RADIL: variants seen among roughly 807,000 people sequenced by gnomAD.
The protein encoded by RADIL is Rap associating with DIL domain.
Under a neutral mutation model 97.6 loss-of-function variants are expected in RADIL, and 99 were observed. That is an observed-to-expected ratio of 1.01 (90% CI 0.86 to 1.20). RADIL has a LOEUF of 1.20. Among genes scored for constraint, RADIL ranks in the 50% most tolerant of loss-of-function variants. The pLI is 0.00. For missense variants in RADIL, 1,765 were observed against 1,498.9 expected (o/e 1.18, Z -2.93); for synonymous variants, 803 against 691.8 (o/e 1.16, Z -2.52).
intron 4 of RADIL, among the ~76,000 whole-genome samples, chr7:4,832,942 C>G (rs1278421135): frequency 6.6e-6 from 1 of 152,054 alleles, no homozygotes; most frequent in Non-Finnish European, 1.5e-5. Context: ...TGGACAGCAC[C>G]CAGCGGAGGC....
chr7:4,818,721 G>T lies in RADIL; in HGVS notation c.1616-1370C>A, dbSNP rs1258023907. On this transcript the variant is annotated intron_variant, in intron 6 of 14. Coordinates refer to ENST00000399583, the MANE Select transcript of RADIL (RefSeq NM_018059.5). The surrounding 1 kb of genome is among the most constrained non-coding windows in gnomAD (Gnocchi z 7.1). The stretch of plus-strand genomic sequence containing the variant: ...AGCTCTGTCCCGTCCACCTGTCCTG[G>T]TGCCCTGACCCTGGCTGCCTCAGGC... Among the ~76,000 whole-genome samples the T allele has an allele frequency of 6.6e-6, 1 of 152,138 alleles. No individual in the cohort carries two copies. The highest frequency in any genetic ancestry group is 1.5e-5 in the Non-Finnish European group (1 of 68,024).
chr7:4,851,790 C>G (rs1305365391), intron 2 of RADIL, among the ~76,000 whole-genome samples: 1 of 152,140 alleles, frequency 6.6e-6, no homozygotes, highest in Admixed American at 6.5e-5. Context: ...TTTGAAAATG[C>G]GCAGCCTTCC....
At chr7:4,858,437 T>C (rs1006698816) in intron 2 of RADIL, 1 of 152,572 alleles carries the variant, frequency 6.6e-6, no homozygotes, top group Non-Finnish European at 1.5e-5. Context: ...ACTTAAAGTA[T>C]TGCTGATCTT....
At chr7:4,838,079 C>T (rs1308050927) in intron 2 of RADIL, 11 of 984,370 alleles carry the variant, frequency 1.1e-5, no homozygotes, top group Non-Finnish European at 1.2e-5. Flanking sequence ...GGGGCCAGGG[C>T]GTGAGGGAGG....
intron 2 of RADIL, among the ~76,000 whole-genome samples, chr7:4,852,487 T>G (rs1783732387): frequency 6.6e-6 from 1 of 152,202 alleles, no homozygotes; most frequent in Non-Finnish European, 1.5e-5. Flanking sequence ...CTAGCTCTGT[T>G]GCCCAGGCTG....
chr7:4,860,985 C>T, intron 2 of RADIL: 2 of 1,614,188 alleles, frequency 1.2e-6, no homozygotes, highest in East Asian at 2.2e-5. Flanking sequence ...TCTGAAAATA[C>T]CAAGAAGAAT....
In RADIL at chr7:4,854,023, G is replaced by A. The variant is rs534476143; in HGVS notation, c.536-17418C>T. 6.6e-5 allele frequency among the ~76,000 whole-genome samples: 10 copies of A among 152,290 alleles called. No homozygotes were observed. The South Asian group carries it at 1.0e-3, about 16-fold the overall frequency. ...GGGATGCCGCTGTTGGGACTTCTCCGAAAGCTCCATAGGTGGGCAGTTTGC... is the reference window on the plus strand; with the variant it reads ...GGGATGCCGCTGTTGGGACTTCTCCAAAAGCTCCATAGGTGGGCAGTTTGC... On this transcript the variant is annotated intron_variant, in intron 2 of 14. Transcript: ENST00000399583. This position sits in a 1 kb window ranked among gnomAD's most constrained non-coding sequence, Gnocchi z 5.1.
Position 4,856,056 on chromosome 7 carries a change from G to T in RADIL, c.536-19451C>A, listed in dbSNP as rs568944929. The stretch of plus-strand genomic sequence containing the variant: ...ACTCCTGGCCTCAAGTGATCCGCTC[G>T]CCTCGGCCTCCCAAAATGCTTGGCT... On this transcript the variant is annotated intron_variant, in intron 2 of 14. Transcript: ENST00000399583. Among the ~76,000 whole-genome samples, 4 of 151,596 alleles carry T rather than the reference G, an allele frequency of 2.6e-5. No individual in the cohort carries two copies. In the South Asian group the frequency reaches 8.4e-4, roughly 32 times the overall value.
intron 2 of RADIL, among the ~76,000 whole-genome samples, chr7:4,838,653 T>G (rs1196799679): frequency 1.3e-5 from 2 of 152,166 alleles, no homozygotes; most frequent in African/African-American, 4.8e-5. Flanking sequence ...TCCTTCCTGG[T>G]GCTGGGTAGG....
chr7:4,860,693 T>C (rs1243487025), intron 2 of RADIL: 2 of 1,614,088 alleles, frequency 1.2e-6, no homozygotes, highest in African/African-American at 1.3e-5. Flanking sequence ...AATATAATGC[T>C]TGTACTTTTG....
At chr7:4,861,756 T>TCGG (rs1480415243) in intron 2 of RADIL, 8 of 1,488,652 alleles carry the variant, frequency 5.4e-6, no homozygotes, top group African/African-American at 1.4e-5. Flanking sequence ...CCGTAGCGAT[T>TCGG]CGGCGGCGGC....
intron 2 of RADIL, among the ~76,000 whole-genome samples, chr7:4,851,260 G>A (rs115225106): frequency 0.014 from 2,070 of 152,170 alleles, 52 homozygotes; most frequent in African/African-American, 0.048. Context: ...AGGAAATGGG[G>A]TGCTACTGTA....
intron 10 of RADIL, chr7:4,805,210 G>A (rs1474755985): frequency 4.6e-5 from 13 of 285,664 alleles, no homozygotes; most frequent in Non-Finnish European, 7.9e-5. Flanking sequence ...GCTCAGGGAT[G>A]CGTCCCCACG....
In RADIL at chr7:4,814,223, T is replaced by C. The variant is rs1484054966; in HGVS notation, c.2139+1055A>G. On this transcript the variant is annotated intron_variant, in intron 9 of 14. Coordinates refer to ENST00000399583, the MANE Select transcript of RADIL (RefSeq NM_018059.5). The surrounding 1 kb of genome is among the most constrained non-coding windows in gnomAD (Gnocchi z 4.5). Reference sequence around the variant, plus strand: ...TTGCTTTACTTCTGTTTAGTGATACTGTAGGAGAAGCAAACTAAATTCATG... The same window carrying C: ...TTGCTTTACTTCTGTTTAGTGATACCGTAGGAGAAGCAAACTAAATTCATG... Among the ~76,000 whole-genome samples the C allele has an allele frequency of 1.3e-5, 2 of 152,244 alleles. No homozygotes were observed. Among genetic ancestry groups the C allele is most frequent in the Admixed American group, 6.5e-5 (1 of 15,286 alleles).
In RADIL at chr7:4,824,645, G is replaced by C. The variant is rs1782926174; in HGVS notation, c.1455-2091C>G. Reference sequence around the variant, plus strand: ...ACACACCCGGGGAGGGAAGAAACTGGACTGAGACCATCTCTCCTGTTTTTG... The same window carrying C: ...ACACACCCGGGGAGGGAAGAAACTGCACTGAGACCATCTCTCCTGTTTTTG... On this transcript the variant is annotated intron_variant, in intron 5 of 14. Coordinates refer to ENST00000399583, the MANE Select transcript of RADIL (RefSeq NM_018059.5). This position sits in a 1 kb window ranked among gnomAD's most constrained non-coding sequence, Gnocchi z 6.7. 6.6e-6 allele frequency among the ~76,000 whole-genome samples: 1 copy of C among 152,236 alleles called. No homozygotes were observed. Among genetic ancestry groups the C allele is most frequent in the African/African-American group, 2.4e-5 (1 of 41,464 alleles).
chr7:4,855,806 C>A (rs75059436), intron 2 of RADIL, among the ~76,000 whole-genome samples: 3,886 of 151,692 alleles, frequency 0.026, 159 homozygotes, highest in African/African-American at 0.088. Flanking sequence ...TTATTGTTTT[C>A]GATTTTTGAG....
intron 2 of RADIL, among the ~76,000 whole-genome samples, chr7:4,841,118 G>A (rs1783428518): frequency 6.6e-6 from 1 of 152,250 alleles, no homozygotes; most frequent in Non-Finnish European, 1.5e-5. Context: ...AGACCCTGCT[G>A]TGGGTGAAGG....
chr7:4,799,988 G>A (rs1782025145), intron 13 of RADIL, among the ~76,000 whole-genome samples, 183 bp downstream of exon 13: 1 of 152,134 alleles, frequency 6.6e-6, no homozygotes, highest in East Asian at 1.9e-4. Context: ...AGAGACAGCA[G>A]GCCCAGGGGG....
In RADIL at chr7:4,873,184, C is replaced by T. The variant is rs1237030899; in HGVS notation, c.535+4421G>A. On this transcript the variant is annotated intron_variant, in intron 2 of 14. Coordinates refer to ENST00000399583, the MANE Select transcript of RADIL (RefSeq NM_018059.5). The surrounding 1 kb of genome is among the most constrained non-coding windows in gnomAD (Gnocchi z 4.3). ...CTGACTTCAATTGATCTGCCTGCCT[C>T]GGCCTCCCAAAGTGCTGGGATTACA... 1.3e-5 allele frequency among the ~76,000 whole-genome samples: 2 copies of T among 152,278 alleles called. No individual in the cohort carries two copies. The highest frequency in any genetic ancestry group is 2.9e-5 in the Non-Finnish European group (2 of 68,020).
Sources: allele counts gnomAD v4.1 joint callset (sites outside exome capture counted in the v4.1 genomes callset), GRCh38; gene constraint gnomAD v4.1.1; non-coding constraint Gnocchi (gnomAD v3.1); transcripts MANE v1.5; gene names NCBI Gene and HGNC (gene_info 2026-07-23, HGNC 2026-07-21).